Variants in MBOAT1 observed in about 807,000 individuals in gnomAD.
MBOAT1 encodes the protein membrane bound glycerophospholipid O-acyltransferase 1.
Under a neutral mutation model 64.4 loss-of-function variants are expected in MBOAT1, and 67 were observed. That is an observed-to-expected ratio of 1.04 (90% CI 0.85 to 1.27). MBOAT1 has a LOEUF of 1.27. Among genes scored for constraint, MBOAT1 ranks in the 50% most tolerant of loss-of-function variants. The pLI is 0.00. For synonymous variants in MBOAT1, 229 were observed against 218.9 expected (o/e 1.05, Z -0.41); for missense variants, 563 against 604.6 (o/e 0.93, Z 0.72).
chr6:20,180,331 T>C (rs1470232671), intron 1 of MBOAT1, among the ~76,000 whole-genome samples: 1 of 152,168 alleles, frequency 6.6e-6, no homozygotes, highest in Non-Finnish European at 1.5e-5. Context: ...CTTGATGTCC[T>C]CCTACTTGCT....
Position 20,124,565 on chromosome 6 carries a change from C to T in MBOAT1, c.750G>A (p.Val250=). 6.2e-7 allele frequency: 1 copy of T among 1,614,172 alleles called. No homozygotes were observed. The highest frequency in any genetic ancestry group is 1.1e-5 in the South Asian group (1 of 91,074). ...AVIHKLGITL[V]SLLLFLTLTK... is the part of the protein sequence containing the mutation. The stretch of plus-strand genomic sequence containing the variant: ...TTAGCGTCAAAAACAAAAGGAGAGA[C>T]ACCAAGGTGATGCCCAACTTGTGTA... The change falls in exon 8 of 13, where the codon GTG becomes GTA. Residue 250 remains valine (V), a synonymous_variant. Coordinates refer to ENST00000324607, the MANE Select transcript of MBOAT1 (RefSeq NM_001080480.3).
intron 1 of MBOAT1, among the ~76,000 whole-genome samples, chr6:20,175,211 G>C (rs1380465254): frequency 6.6e-6 from 1 of 152,124 alleles, no homozygotes; most frequent in Non-Finnish European, 1.5e-5. Context: ...ATTGCCTTTA[G>C]CATAGACACT....
chr6:20,181,869 T>C (rs567058072), intron 1 of MBOAT1, among the ~76,000 whole-genome samples: 1 of 152,178 alleles, frequency 6.6e-6, no homozygotes, highest in East Asian at 1.9e-4. Flanking sequence ...AGTTTACATC[T>C]ATAGTAAATT....
intron 8 of MBOAT1, among the ~76,000 whole-genome samples, chr6:20,122,029 G>A (rs1158737006): frequency 6.6e-6 from 1 of 152,110 alleles, no homozygotes; most frequent in Non-Finnish European, 1.5e-5. Context: ...GCTGGGTGTG[G>A]TGGTAGGCAC....
intron 1 of MBOAT1, among the ~76,000 whole-genome samples, chr6:20,184,385 C>T (rs550077300): frequency 1.2e-4 from 18 of 152,004 alleles, no homozygotes; most frequent in Non-Finnish European, 2.1e-4. Flanking sequence ...AATGTCATGT[C>T]ACAGCAGGTG....
chr6:20,162,700 G>A (rs1468261388), intron 1 of MBOAT1, among the ~76,000 whole-genome samples: 1 of 152,200 alleles, frequency 6.6e-6, no homozygotes, highest in African/African-American at 2.4e-5. Flanking sequence ...ACCCTCAGCT[G>A]TAGGGCAGCT....
At chr6:20,202,372 C>A (rs542687068) in intron 1 of MBOAT1, among the ~76,000 whole-genome samples, 7 of 101,892 alleles carry the variant, frequency 6.9e-5, no homozygotes, top group Middle Eastern at 4.9e-3. Flanking sequence ...GTAAATAAAC[C>A]TGAGAATGGA....
At chr6:20,172,819 G>A (rs1332327978) in intron 1 of MBOAT1, among the ~76,000 whole-genome samples, 1 of 152,198 alleles carries the variant, frequency 6.6e-6, no homozygotes, top group African/African-American at 2.4e-5. Context: ...CAAAAAGCGT[G>A]ATTTAGCTTC....
At chr6:20,105,487 A>G (rs1759922645) in intron 12 of MBOAT1, among the ~76,000 whole-genome samples, 1 of 152,218 alleles carries the variant, frequency 6.6e-6, no homozygotes, top group Non-Finnish European at 1.5e-5. Context: ...CGTTCTGGCC[A>G]GGCGCAGTGG....
At chr6:20,132,437 C>CTGAGA (rs1760858990) in intron 4 of MBOAT1, among the ~76,000 whole-genome samples, 1 of 152,122 alleles carries the variant, frequency 6.6e-6, no homozygotes, top group Non-Finnish European at 1.5e-5. Context: ...TGGAAAAAGC[C>CTGAGA]ATCAAATAAA....
chr6:20,205,763 C>T (rs924813693), intron 1 of MBOAT1, among the ~76,000 whole-genome samples: 22 of 152,156 alleles, frequency 1.4e-4, no homozygotes, highest in Admixed American at 1.0e-3. Flanking sequence ...AAAAGGCCCC[C>T]CCACCCACCT....
At chr6:20,115,892 A>T (rs1413288776) in intron 9 of MBOAT1, among the ~76,000 whole-genome samples, 2 of 152,162 alleles carry the variant, frequency 1.3e-5, no homozygotes, top group Non-Finnish European at 2.9e-5. Context: ...GCATCACAGT[A>T]CAGGAAAGGA....
intron 1 of MBOAT1, among the ~76,000 whole-genome samples, chr6:20,161,488 A>G (rs904121238): frequency 2.0e-5 from 3 of 152,028 alleles, no homozygotes; most frequent in Non-Finnish European, 4.4e-5. Context: ...CCCTGCTGCC[A>G]AAAAGGTTGG....
At chr6:20,188,669 G>A (rs1310547315) in intron 1 of MBOAT1, among the ~76,000 whole-genome samples, 1 of 152,166 alleles carries the variant, frequency 6.6e-6, no homozygotes, top group African/African-American at 2.4e-5. Flanking sequence ...ATTTCTGGTA[G>A]CTCCATGCCC....
intron 9 of MBOAT1, among the ~76,000 whole-genome samples, chr6:20,115,788 T>C (rs1760300537): frequency 6.6e-6 from 1 of 152,158 alleles, no homozygotes; most frequent in East Asian, 1.9e-4. Context: ...CCTCTAAAAC[T>C]AGGTCAGTCT....
In MBOAT1 at chr6:20,126,709, ATAAAG is replaced by A. The variant is rs755178013; in HGVS notation, c.531-14_531-10del. 2.9e-5 allele frequency: 46 copies of A among 1,580,766 alleles called. No individual in the cohort carries two copies. Among genetic ancestry groups the A allele is most frequent in the South Asian group, 1.7e-4 (15 of 86,730 alleles). On this transcript the variant is annotated splice_polypyrimidine_tract_variant and intron_variant, in intron 6 of 12. Coordinates refer to ENST00000324607, the MANE Select transcript of MBOAT1 (RefSeq NM_001080480.3). Reference sequence around the variant, plus strand: ...AAAAAGAGGGTTTCACTCTGTGAAAATAAAGTAAATAAATTGAAAAGTCTTCAGTC... The same window carrying A: ...AAAAAGAGGGTTTCACTCTGTGAAAATAAATAAATTGAAAAGTCTTCAGTC...
chr6:20,196,602 T>C (rs1762960852), intron 1 of MBOAT1, among the ~76,000 whole-genome samples: 1 of 152,194 alleles, frequency 6.6e-6, no homozygotes, highest in Non-Finnish European at 1.5e-5. Context: ...GGCTCACACC[T>C]GTAATCCCAG....
chr6:20,180,791 T>C (rs1264268419), intron 1 of MBOAT1, among the ~76,000 whole-genome samples: 4 of 152,254 alleles, frequency 2.6e-5, no homozygotes, highest in African/African-American at 9.6e-5. Flanking sequence ...TTCAGAGACA[T>C]ACAATGTATC....
At chr6:20,127,347 C>T (rs1760684850) in intron 6 of MBOAT1, among the ~76,000 whole-genome samples, 1 of 152,186 alleles carries the variant, frequency 6.6e-6, no homozygotes, top group African/African-American at 2.4e-5. Flanking sequence ...CCTGAAATGT[C>T]ATTGCTAACC....
Sources: gnomAD v4.1 joint callset for allele counts (sites outside exome capture counted in the v4.1 genomes callset) on GRCh38, gnomAD v4.1.1 for gene constraint, MANE v1.5 for transcripts, NCBI Gene and HGNC (gene_info 2026-07-23, HGNC 2026-07-21) for gene names.